Variants in TBCCD1 observed in about 807,000 individuals in gnomAD.
TBCCD1 encodes TBCC domain-containing protein 1.
A neutral mutation model predicts 53.4 loss-of-function variants in TBCCD1; 26 were observed. The observed-to-expected ratio is 0.49, with a 90% CI of 0.36 to 0.68. TBCCD1 has a LOEUF of 0.68. Ranked by LOEUF, TBCCD1 falls within the 30% of genes least tolerant of loss-of-function variation. The pLI, the probability that TBCCD1 is intolerant of heterozygous loss-of-function variation, is 0.00. For missense variants in TBCCD1, 558 were observed against 669.5 expected (o/e 0.83, Z 1.84); for synonymous variants, 245 against 241.7 (o/e 1.01, Z -0.13).
chr3:186,551,281 T>C lies in TBCCD1; in HGVS notation c.1545-2A>G. The C allele has an allele frequency of 6.2e-7, 1 of 1,610,728 alleles. No homozygotes were observed. The highest frequency in any genetic ancestry group is 8.5e-7 in the Non-Finnish European group (1 of 1,178,992). On this transcript the variant is annotated splice_acceptor_variant, in intron 6 of 7. Transcript: ENST00000338733. LOFTEE classifies it high-confidence loss of function. Reference sequence around the variant, plus strand: ...ACCTGGAACTGCTTCCTTTGATCCCTAAAATTGCGATTATGAGTAAAAAGA... The same window carrying C: ...ACCTGGAACTGCTTCCTTTGATCCCCAAAATTGCGATTATGAGTAAAAAGA...
At chr3:186,551,005 C>T (rs1394542333) in intron 7 of TBCCD1, 124 bp downstream of exon 7, 12 of 886,518 alleles carry the variant, frequency 1.4e-5, no homozygotes, top group African/African-American at 5.1e-5. Flanking sequence ...CATAAAGGTC[C>T]GTGTATGCTG....
At chr3:186,548,837 CAA>C (rs1166729107) in intron 7 of TBCCD1, among the ~76,000 whole-genome samples, 1 of 151,752 alleles carries the variant, frequency 6.6e-6, no homozygotes, top group Non-Finnish European at 1.5e-5. Flanking sequence ...TTGAAAAAAA[CAA>C]AGAGAGTAGA....
chr3:186,551,539 G>A (rs1578964822), intron 6 of TBCCD1, among the ~76,000 whole-genome samples: 1 of 152,162 alleles, frequency 6.6e-6, no homozygotes, highest in African/African-American at 2.4e-5. Context: ...TCTGACTGAT[G>A]GGGATAAATG....
Position 186,554,964 on chromosome 3 carries a change from A to C in TBCCD1, c.980T>G (p.Leu327Arg). 6.2e-7 allele frequency: 1 copy of C among 1,613,952 alleles called. No individual in the cohort carries two copies. The highest frequency in any genetic ancestry group is 8.5e-7 in the Non-Finnish European group (1 of 1,180,034). The stretch of plus-strand genomic sequence containing the variant: ...ATGAATCTTTACATGTGCCCCCGCC[A>C]GAGTGTCTGAGCTCTTAGCCAGTGT... The part of the protein sequence containing the change: ...KQTLAKSSDT[L>R]AGAHVKIHRC... Residue 327 changes from leucine to arginine, a missense_variant, in exon 5 of 8, where the codon CTG (leucine) becomes CGG (arginine). By Grantham distance (102) the Leu-to-Arg change is moderately radical. Transcript: ENST00000338733.
At position 186,564,217 on chromosome 3, in the gene TBCCD1, G is replaced by A; in HGVS notation, c.113C>T (p.Thr38Ile). The A allele has an allele frequency of 6.2e-7, 1 of 1,614,194 alleles. No individual in the cohort carries two copies. The highest frequency in any genetic ancestry group is 8.5e-7 in the Non-Finnish European group (1 of 1,180,040). The change falls in exon 2 of 8, where the codon ACC (threonine) becomes ATC (isoleucine). Residue 38 changes from threonine (T) to isoleucine (I), a missense_variant. Thr to Ile is a moderately conservative substitution (Grantham distance 89). Transcript: ENST00000338733. ...TTCTGTGGCCCGGATTTGCACATAG[G>A]TGGATATCTTCCTGAGATAGTGAAG... ...FSLHYLRKIS[T>I]YVQIRATEGA... is the part of the protein sequence containing the mutation.
intron 7 of TBCCD1, among the ~76,000 whole-genome samples, chr3:186,549,770 T>C (rs1052429841): frequency 2.0e-5 from 3 of 152,196 alleles, no homozygotes; most frequent in Admixed American, 2.0e-4. Flanking sequence ...GTAAACGAAA[T>C]GTTTTGCCAG....
intron 6 of TBCCD1, among the ~76,000 whole-genome samples, chr3:186,553,843 AC>A (rs1714445170): frequency 6.6e-6 from 1 of 151,842 alleles, no homozygotes; most frequent in Non-Finnish European, 1.5e-5. Flanking sequence ...TAATTTAAAA[AC>A]ACATTACTTT....
intron 1 of TBCCD1, 83 bp from the exon 2 acceptor site, chr3:186,564,455 C>T (rs1560230239): frequency 2.3e-6 from 2 of 862,240 alleles, no homozygotes; most frequent in Non-Finnish European, 3.5e-6. Context: ...CCCTCTCTCT[C>T]AACTGTGTCA....
intron 1 of TBCCD1, among the ~76,000 whole-genome samples, chr3:186,564,672 G>C (rs1465496138): frequency 6.6e-6 from 1 of 152,072 alleles, no homozygotes; most frequent in Non-Finnish European, 1.5e-5. Context: ...ATGAATGAGG[G>C]GAAAAAAGTC....
upstream of TBCCD1, chr3:186,570,318 T>C: frequency 1.9e-6 from 1 of 539,414 alleles, no homozygotes; most frequent in Non-Finnish European, 3.3e-6. Flanking sequence ...TGGGTATGAA[T>C]GAAATTCCGG....
At chr3:186,547,859 G>A (rs1217864108) in intron 7 of TBCCD1, among the ~76,000 whole-genome samples, 4 of 150,500 alleles carry the variant, frequency 2.7e-5, no homozygotes, top group Non-Finnish European at 4.4e-5. Context: ...CACCCGTCTC[G>A]GCCTCCCGAA....
Position 186,551,235 on chromosome 3 carries a change from T to C in TBCCD1, c.1589A>G (p.Tyr530Cys). 6 of 1,613,850 alleles carry C rather than the reference T, an allele frequency of 3.7e-6. No homozygotes were observed. ...QFQVLVENKF[Y>C]EWLINTGHRQ... is the part of the protein sequence containing the mutation. Reference sequence around the variant, plus strand: ...ATGTCCTGTATTAATCAACCATTCATAAAACTTGTTCTCTACCAGTACCTG... The same window carrying C: ...ATGTCCTGTATTAATCAACCATTCACAAAACTTGTTCTCTACCAGTACCTG... Residue 530 changes from tyrosine (Y) to cysteine (C), a missense_variant, in exon 7 of 8, where the codon TAT becomes TGT. Coordinates refer to ENST00000338733, the MANE Select transcript of TBCCD1 (RefSeq NM_018138.5).
chr3:186,550,001 C>T (rs1338831848), intron 7 of TBCCD1, among the ~76,000 whole-genome samples: 5 of 151,690 alleles, frequency 3.3e-5, no homozygotes, highest in Non-Finnish European at 7.4e-5. Flanking sequence ...CCGAGGTGGG[C>T]GATGTTCAGG....
chr3:186,550,091 G>A (rs1219301142), intron 7 of TBCCD1, among the ~76,000 whole-genome samples: 3 of 151,980 alleles, frequency 2.0e-5, no homozygotes, highest in Non-Finnish European at 4.4e-5. Flanking sequence ...GCTGGGCACG[G>A]TGGTGCGTGC....
intron 1 of TBCCD1, among the ~76,000 whole-genome samples, chr3:186,566,490 CTG>C (rs1714835819): frequency 6.6e-6 from 1 of 152,118 alleles, no homozygotes; most frequent in Non-Finnish European, 1.5e-5. Context: ...GTACTTAAGA[CTG>C]TACACATTTT....
chr3:186,550,836 TA>T (rs1714352142), intron 7 of TBCCD1, among the ~76,000 whole-genome samples: 2 of 152,124 alleles, frequency 1.3e-5, no homozygotes, highest in Non-Finnish European at 2.9e-5. Context: ...AACTTAGAAC[TA>T]TGTATGGGGG....
At chr3:186,564,666 A>G (rs933474507) in intron 1 of TBCCD1, among the ~76,000 whole-genome samples, 1 of 152,332 alleles carries the variant, frequency 6.6e-6, no homozygotes, top group East Asian at 1.9e-4. Flanking sequence ...AAGAAAATGA[A>G]TGAGGGGAAA....
chr3:186,547,724 A>G (rs1578961866), intron 7 of TBCCD1, among the ~76,000 whole-genome samples: 1 of 150,452 alleles, frequency 6.6e-6, no homozygotes. Context: ...CTCCTGCCTC[A>G]GCCTCCTGAG....
chr3:186,554,996 G>C lies in TBCCD1; in HGVS notation c.948C>G (p.Tyr316Ter), dbSNP rs1385619464. 1 of 1,613,876 alleles carries C rather than the reference G, an allele frequency of 6.2e-7. No homozygotes were observed. Among genetic ancestry groups the C allele is most frequent in the South Asian group, 1.1e-5 (1 of 91,072 alleles). Residue 316 changes from tyrosine to a stop codon, truncating the protein, a stop_gained, in exon 5 of 8, where the codon TAC becomes TAG. Transcript: ENST00000338733. LOFTEE classifies it high-confidence loss of function. ...CTGAGCTCTTAGCCAGTGTCTGCTT[G>C]TAAACCTGGCTCATCACTACCAGTC... Reference protein sequence around the residue: ...MHRLVVMSQVYKQTLAKSSDT... With the variant: ...MHRLVVMSQV
Sources: gnomAD v4.1 joint callset for allele counts (sites outside exome capture counted in the v4.1 genomes callset) on GRCh38, gnomAD v4.1.1 for gene constraint, MANE v1.5 for transcripts, NCBI Gene and HGNC (gene_info 2026-07-23, HGNC 2026-07-21) for gene names.